SEMA3A: variants seen among roughly 807,000 people sequenced by gnomAD.
The protein encoded by SEMA3A is semaphorin 3A, also known as semaphorin-3A.
SEMA3A carries 29 observed loss-of-function variants against 97.9 expected under a neutral mutation model. The observed-to-expected ratio is 0.30, with a 90% CI of 0.22 to 0.40. The LOEUF (loss-of-function observed/expected upper bound fraction) is 0.40, where lower values mean the gene tolerates loss of function less well. SEMA3A is among the 10% of genes least tolerant of loss of function. The pLI is 1.00. For missense variants in SEMA3A, 763 were observed against 951.3 expected, an observed-to-expected ratio of 0.80 and a Z score of 2.60; for synonymous variants, 321 against 323.7, an observed-to-expected ratio of 0.99 and a Z score of 0.09.
intron 7 of SEMA3A, among the ~76,000 whole-genome samples, chr7:84,011,853 T>C (rs977655861): frequency 1.3e-5 from 2 of 152,194 alleles, no homozygotes; most frequent in Non-Finnish European, 2.9e-5. Context: ...CATTGTTTTG[T>C]ACTCATAAAT....
chr7:84,078,042 T>C (rs1258366200), intron 4 of SEMA3A, among the ~76,000 whole-genome samples: 1 of 152,098 alleles, frequency 6.6e-6, no homozygotes, highest in Non-Finnish European at 1.5e-5. Flanking sequence ...ATTTAAGATG[T>C]GTGGAGAAAC....
chr7:84,012,920 G>T (rs879902576), intron 7 of SEMA3A, among the ~76,000 whole-genome samples: 1 of 151,944 alleles, frequency 6.6e-6, no homozygotes, highest in Non-Finnish European at 1.5e-5. Flanking sequence ...AGCCTTGAAA[G>T]TAGTGCTTTT....
chr7:84,235,821 C>G (rs1799223823), intron 3 of SEMA3A, among the ~76,000 whole-genome samples: 1 of 152,066 alleles, frequency 6.6e-6, no homozygotes, highest in Admixed American at 6.6e-5. Flanking sequence ...CTACTTTAGA[C>G]CATACTTTAT....
intron 3 of SEMA3A, among the ~76,000 whole-genome samples, chr7:84,275,008 A>G (rs1800256903): frequency 6.6e-6 from 1 of 152,044 alleles, no homozygotes; most frequent in Admixed American, 6.6e-5. Flanking sequence ...TATTTTGATA[A>G]TTTTACTACA....
chr7:84,227,425 A>G (rs952446810), intron 3 of SEMA3A, among the ~76,000 whole-genome samples: 1 of 151,982 alleles, frequency 6.6e-6, no homozygotes, highest in Non-Finnish European at 1.5e-5. Context: ...TTTGCTTTAA[A>G]TAAGTGTGTC....
chr7:84,404,251 A>T lies in SEMA3A; in HGVS notation c.-245-32351T>A, dbSNP rs529076058. ...GACGAGAACTACGTAATGAATGCACAAGCCTCAGTAACCAATGCAATCAAC... is the reference window on the plus strand; with the variant it reads ...GACGAGAACTACGTAATGAATGCACTAGCCTCAGTAACCAATGCAATCAAC... On this transcript the variant is annotated intron_variant, in intron 1 of 3. Transcript: ENST00000424555. 2.0e-5 allele frequency among the ~76,000 whole-genome samples: 3 copies of T among 152,370 alleles called. No homozygotes were observed. The South Asian group carries it at 6.2e-4, about 32-fold the overall frequency.
At chr7:84,091,503 A>AG (rs1794604010) in intron 4 of SEMA3A, among the ~76,000 whole-genome samples, 1 of 152,170 alleles carries the variant, frequency 6.6e-6, no homozygotes, top group Non-Finnish European at 1.5e-5. Flanking sequence ...TGCTGGGTTA[A>AG]GAATGTGGGT....
intron 3 of SEMA3A, among the ~76,000 whole-genome samples, chr7:84,277,141 AGAT>A (rs1800320218): frequency 6.6e-6 from 1 of 152,132 alleles, no homozygotes; most frequent in African/African-American, 2.4e-5. Context: ...GAGTCTTTGA[AGAT>A]GATGATGAAG....
chr7:84,352,167 G>A (rs963826570), intron 2 of SEMA3A, among the ~76,000 whole-genome samples: 15 of 151,868 alleles, frequency 9.9e-5, no homozygotes, highest in African/African-American at 3.4e-4. Flanking sequence ...ACTTGTAGGA[G>A]CTAAAAATTA....
intron 1 of SEMA3A, among the ~76,000 whole-genome samples, chr7:84,382,522 T>C (rs1275823965): frequency 6.6e-6 from 1 of 151,788 alleles, no homozygotes; most frequent in African/African-American, 2.4e-5. Context: ...TTTTACCATT[T>C]TAGATCCTGT....
At chr7:84,328,523 GT>G (rs1441716887) in intron 2 of SEMA3A, among the ~76,000 whole-genome samples, 1 of 152,070 alleles carries the variant, frequency 6.6e-6, no homozygotes, top group East Asian at 1.9e-4. Flanking sequence ...AAAACGCAAT[GT>G]TGCTTGTAAT....
intron 4 of SEMA3A, among the ~76,000 whole-genome samples, chr7:84,089,225 G>A (rs113414486): frequency 0.021 from 3,253 of 152,150 alleles, 111 homozygotes; most frequent in African/African-American, 0.074. Flanking sequence ...AGTCATAACC[G>A]TTCTGTTTAG....
chr7:84,139,356 T>A (rs532150640), intron 1 of SEMA3A, among the ~76,000 whole-genome samples: 74 of 152,188 alleles, frequency 4.9e-4, no homozygotes, highest in African/African-American at 1.8e-3. Context: ...ACATGCTGTG[T>A]CGAGCTATAA....
At chr7:84,427,367 A>G (rs988616764) in intron 1 of SEMA3A, among the ~76,000 whole-genome samples, 2 of 152,126 alleles carry the variant, frequency 1.3e-5, no homozygotes, top group African/African-American at 4.8e-5. Flanking sequence ...TGTAGTGAAG[A>G]TTCGACATGA....
At chr7:84,411,707 G>A (rs375055596) in intron 1 of SEMA3A, among the ~76,000 whole-genome samples, 2 of 151,968 alleles carry the variant, frequency 1.3e-5, no homozygotes, top group South Asian at 4.1e-4. Flanking sequence ...CCTTACGTAT[G>A]TTGAGAAATT....
At chr7:84,105,367 G>C (rs966771653) in intron 4 of SEMA3A, among the ~76,000 whole-genome samples, 1 of 152,108 alleles carries the variant, frequency 6.6e-6, no homozygotes, top group Non-Finnish European at 1.5e-5. Context: ...TTGATTCAAA[G>C]TTTTGCATCA....
chr7:84,157,196 C>T (rs1423264985), intron 1 of SEMA3A, among the ~76,000 whole-genome samples: 1 of 152,132 alleles, frequency 6.6e-6, no homozygotes, highest in East Asian at 1.9e-4. Flanking sequence ...TGCTAATTTT[C>T]CTTCACACTG....
intron 3 of SEMA3A, among the ~76,000 whole-genome samples, chr7:84,296,485 T>TTGAATGAATC (rs1800874039): frequency 6.6e-6 from 1 of 152,182 alleles, no homozygotes; most frequent in Non-Finnish European, 1.5e-5. Flanking sequence ...CATTGCTTTC[T>TTGAATGAATC]TGAATGAATC....
chr7:84,325,991 G>A (rs1801766930), intron 2 of SEMA3A, among the ~76,000 whole-genome samples: 1 of 152,018 alleles, frequency 6.6e-6, no homozygotes, highest in Non-Finnish European at 1.5e-5. Context: ...ATGTAACTGA[G>A]ATCATACAGT....
Sources: gnomAD v4.1 joint callset for allele counts (sites outside exome capture counted in the v4.1 genomes callset) on GRCh38, gnomAD v4.1.1 for gene constraint, MANE v1.5 for transcripts, NCBI Gene and HGNC (gene_info 2026-07-23, HGNC 2026-07-21) for gene names.